Variants in MBNL2 observed in about 807,000 individuals in gnomAD.
MBNL2 encodes muscleblind like splicing regulator 2.
A neutral mutation model predicts 41.9 loss-of-function variants in MBNL2; 17 were observed. The observed-to-expected ratio is 0.41, with a 90% CI of 0.28 to 0.61. The LOEUF (loss-of-function observed/expected upper bound fraction) is 0.61. Ranked by LOEUF, MBNL2 falls within the 20% of genes least tolerant of loss-of-function variation. The pLI is 0.35. For missense variants in MBNL2, 336 were observed against 505.6 expected (o/e 0.66, Z 3.22); for synonymous variants, 195 against 182.9 (o/e 1.07, Z -0.53).
intron 8 of MBNL2, 134 bp downstream of exon 8, chr13:97,365,305 A>G (rs2063761569): frequency 1.5e-6 from 1 of 688,406 alleles, no homozygotes; most frequent in African/African-American, 1.8e-5. Context: ...TAGAGTTAAC[A>G]TATAGGTTTT....
At chr13:97,377,741 A>G (rs2065089873) in intron 8 of MBNL2, among the ~76,000 whole-genome samples, 1 of 152,230 alleles carries the variant, frequency 6.6e-6, no homozygotes, top group Admixed American at 6.5e-5. Context: ...TGAACCTCGT[A>G]ACGTGAAGAA....
the MBNL2 span, among the ~76,000 whole-genome samples, chr13:97,193,549 C>T: frequency 6.6e-6 from 1 of 152,148 alleles, no homozygotes; most frequent in South Asian, 2.1e-4. Context: ...ATATTTGAAC[C>T]TCAATTATTT....
At chr13:97,332,680 A>T (rs1429588211) in intron 2 of MBNL2, among the ~76,000 whole-genome samples, 2 of 152,248 alleles carry the variant, frequency 1.3e-5, no homozygotes, top group East Asian at 3.8e-4. Context: ...CTGTCTTTAC[A>T]ATAGACTTTC....
the MBNL2 span, among the ~76,000 whole-genome samples, chr13:97,180,752 A>AT: frequency 0.095 from 14,328 of 151,494 alleles, 810 homozygotes; most frequent in South Asian, 0.17. Flanking sequence ...AAAAAAAAAA[A>AT]AAAAAAAAAA....
chr13:97,381,480 T>A (rs2065447126), intron 8 of MBNL2, among the ~76,000 whole-genome samples: 1 of 151,986 alleles, frequency 6.6e-6, no homozygotes, highest in Non-Finnish European at 1.5e-5. Flanking sequence ...TGAGCAGGAT[T>A]GGACATTTTA....
intron 1 of MBNL2, among the ~76,000 whole-genome samples, chr13:97,228,146 A>G (rs1405599892): frequency 6.6e-6 from 1 of 152,128 alleles, no homozygotes; most frequent in Non-Finnish European, 1.5e-5. Flanking sequence ...TATAATTTGA[A>G]CCTAAGAAGA....
chr13:97,203,218 C>T, the MBNL2 span, among the ~76,000 whole-genome samples: 2 of 152,188 alleles, frequency 1.3e-5, no homozygotes, highest in Admixed American at 6.5e-5. Context: ...TTGCAGAAGA[C>T]ATTTCTGGGG....
chr13:97,147,584 T>G, the MBNL2 span, among the ~76,000 whole-genome samples: 13 of 152,182 alleles, frequency 8.5e-5, no homozygotes, highest in Non-Finnish European at 1.3e-4. Flanking sequence ...GTTTAAAGTT[T>G]AGGAGATATT....
intron 1 of MBNL2, among the ~76,000 whole-genome samples, chr13:97,240,964 C>A (rs962315445): frequency 6.6e-6 from 1 of 152,096 alleles, no homozygotes; most frequent in East Asian, 1.9e-4. Flanking sequence ...GGGCCAAACT[C>A]CTGAGCTTAA....
At position 97,251,259 on chromosome 13, in the gene MBNL2, C is replaced by T. The variant is rs576693389; in HGVS notation, c.-604-24373C>T. 3.1e-4 allele frequency among the ~76,000 whole-genome samples: 47 copies of T among 151,140 alleles called. 1 individual carries two copies. The highest frequency in any genetic ancestry group is 1.0e-3 in the African/African-American group (43 of 41,116). ...TAAAAATAACTAAAGGGGTATAATT[C>T]GAATGTTTGTAACATGGAGAAAGGA... is the stretch of plus-strand genomic sequence containing the variant. On this transcript the variant is annotated intron_variant, in intron 1 of 8. Transcript: ENST00000679496.
At chr13:97,265,286 TCC>T (rs2049511672) in intron 1 of MBNL2, among the ~76,000 whole-genome samples, 1 of 152,254 alleles carries the variant, frequency 6.6e-6, no homozygotes, top group Admixed American at 6.5e-5. Context: ...TGGAAATTTC[TCC>T]TTTTGTTATT....
At chr13:97,381,775 A>G (rs1286395571) in intron 8 of MBNL2, among the ~76,000 whole-genome samples, 1 of 151,860 alleles carries the variant, frequency 6.6e-6, no homozygotes, top group Non-Finnish European at 1.5e-5. Flanking sequence ...ATGAACAAAA[A>G]TAGATATATT....
chr13:97,344,891 A>G (rs1594241420), intron 4 of MBNL2, among the ~76,000 whole-genome samples: 1 of 152,346 alleles, frequency 6.6e-6, no homozygotes, highest in East Asian at 1.9e-4. Context: ...GGTTCATTTC[A>G]AACCAGGAAT....
chr13:97,321,525 T>C (rs1229568172), intron 2 of MBNL2, among the ~76,000 whole-genome samples: 1 of 152,166 alleles, frequency 6.6e-6, no homozygotes, highest in African/African-American at 2.4e-5. Flanking sequence ...TGTAACCCCA[T>C]AGTGTCTCCC....
chr13:97,390,613 A>T (rs2153174169), intron 8 of MBNL2, among the ~76,000 whole-genome samples: 1 of 152,304 alleles, frequency 6.6e-6, no homozygotes, highest in Admixed American at 6.5e-5. Context: ...ATGGAGCTGG[A>T]AATGAACTTA....
chr13:97,256,773 G>C (rs2047629800), intron 1 of MBNL2, among the ~76,000 whole-genome samples: 1 of 152,138 alleles, frequency 6.6e-6, no homozygotes, highest in Admixed American at 6.5e-5. Flanking sequence ...GAGGGTATAG[G>C]GTTGTATAAG....
At chr13:97,149,201 T>C in the MBNL2 span, among the ~76,000 whole-genome samples, 1 of 152,216 alleles carries the variant, frequency 6.6e-6, no homozygotes, top group Admixed American at 6.5e-5. Context: ...CGTAACATTA[T>C]GCTTCCTAAG....
chr13:97,269,429 C>T (rs1002619720), intron 1 of MBNL2, among the ~76,000 whole-genome samples: 3 of 152,082 alleles, frequency 2.0e-5, no homozygotes, highest in African/African-American at 7.2e-5. Flanking sequence ...GTGCCCTCTC[C>T]AGACATTATT....
At chr13:97,194,148 G>A in the MBNL2 span, among the ~76,000 whole-genome samples, 1 of 152,274 alleles carries the variant, frequency 6.6e-6, no homozygotes, top group East Asian at 1.9e-4. Flanking sequence ...CTCAATGCCA[G>A]CATCATAATT....
Sources: gnomAD v4.1 joint callset for allele counts (sites outside exome capture counted in the v4.1 genomes callset) on GRCh38, gnomAD v4.1.1 for gene constraint, MANE v1.5 for transcripts, NCBI Gene and HGNC (gene_info 2026-07-23, HGNC 2026-07-21) for gene names.